GMDS: variants seen among roughly 807,000 people sequenced by gnomAD.
GMDS encodes the protein GDP-mannose 4,6 dehydratase.
Under a neutral mutation model 49.9 loss-of-function variants are expected in GMDS, and 20 were observed. The observed-to-expected ratio is 0.40, with a 90% CI of 0.28 to 0.58. The LOEUF (loss-of-function observed/expected upper bound fraction) is 0.58. Among genes scored for constraint, GMDS ranks in the 20% least tolerant of loss-of-function variants. GMDS has a pLI of 0.42. For missense variants in GMDS, 362 were observed against 481.4 expected (o/e 0.75, Z 2.32); for synonymous variants, 177 against 178.6 (o/e 0.99, Z 0.07).
At chr6:1,624,764 C>T (rs1762795851) in intron 9 of GMDS, 2 of 493,646 alleles carry the variant, frequency 4.1e-6, no homozygotes, top group Non-Finnish European at 3.6e-6. Context: ...GGACCGTGAC[C>T]GCGATCCACC....
Position 1,930,231 on chromosome 6 carries a change from C to T in GMDS, c.644-1G>A. 1 of 1,612,200 alleles carries T rather than the reference C, an allele frequency of 6.2e-7. No homozygotes were observed. Among genetic ancestry groups the T allele is most frequent in the Admixed American group, 1.7e-5 (1 of 59,852 alleles). On this transcript the variant is annotated splice_acceptor_variant, in intron 6 of 10. Coordinates refer to ENST00000380815, the MANE Select transcript of GMDS (RefSeq NM_001500.4). LOFTEE classifies it high-confidence loss of function. ...ATTTTTCGAGTAACGAAATTAGCTC[C>T]TAAAAAGAGGCAAAAGATGTAGTAT...
chr6:2,218,817 AT>A (rs1780453989), intron 1 of GMDS, among the ~76,000 whole-genome samples: 1 of 152,204 alleles, frequency 6.6e-6, no homozygotes, highest in South Asian at 2.1e-4. Context: ...CATTCTATAC[AT>A]TATGAAACTG....
intron 7 of GMDS, among the ~76,000 whole-genome samples, chr6:1,821,811 T>C (rs972484468): frequency 6.6e-6 from 1 of 152,060 alleles, no homozygotes; most frequent in African/African-American, 2.4e-5. Context: ...AGGACCACAT[T>C]TCAACTTTCA....
At chr6:2,170,932 T>C (rs1777973756) in intron 1 of GMDS, among the ~76,000 whole-genome samples, 1 of 152,052 alleles carries the variant, frequency 6.6e-6, no homozygotes, top group Non-Finnish European at 1.5e-5. Context: ...GAGGCAGAGC[T>C]TGTGGTGAGC....
chr6:1,685,221 A>AC (rs11323066), intron 9 of GMDS, among the ~76,000 whole-genome samples: 2 of 151,596 alleles, frequency 1.3e-5, no homozygotes, highest in South Asian at 2.1e-4. Flanking sequence ...ACATGGTGAG[A>AC]CCCCCGTCTC....
intron 9 of GMDS, among the ~76,000 whole-genome samples, chr6:1,678,426 C>T (rs1017384148): frequency 9.2e-5 from 14 of 152,144 alleles, no homozygotes; most frequent in Non-Finnish European, 1.8e-4. Flanking sequence ...TTTGAGCAGC[C>T]TGGTTCCCTG....
chr6:1,721,687 G>A (rs1211179733), intron 9 of GMDS, among the ~76,000 whole-genome samples: 1 of 151,690 alleles, frequency 6.6e-6, no homozygotes, highest in Non-Finnish European at 1.5e-5. Context: ...ACCATTTGAT[G>A]TGGTTACAAA....
intron 9 of GMDS, among the ~76,000 whole-genome samples, chr6:1,684,710 G>T (rs2113318170): frequency 6.6e-6 from 1 of 152,298 alleles, no homozygotes; most frequent in African/African-American, 2.4e-5. Context: ...TGCTGGGGCT[G>T]GAGATGGTCC....
intron 7 of GMDS, among the ~76,000 whole-genome samples, chr6:1,801,871 C>T (rs573355284): frequency 1.9e-3 from 286 of 152,290 alleles, no homozygotes; most frequent in African/African-American, 6.6e-3. Flanking sequence ...TAATTTTTAG[C>T]TTGTTGAATT....
intron 4 of GMDS, among the ~76,000 whole-genome samples, chr6:2,001,681 A>G (rs919830552): frequency 5.9e-5 from 9 of 152,178 alleles, no homozygotes; most frequent in Admixed American, 5.2e-4. Context: ...GTACTGGCAT[A>G]AGAATAGATG....
intron 7 of GMDS, among the ~76,000 whole-genome samples, chr6:1,834,360 T>G (rs1158788557): frequency 6.6e-6 from 1 of 152,228 alleles, no homozygotes; most frequent in Non-Finnish European, 1.5e-5. Context: ...TGCATTTCCC[T>G]GAGCAATTGC....
At chr6:2,181,726 C>T (rs545959229) in intron 1 of GMDS, among the ~76,000 whole-genome samples, 3 of 152,208 alleles carry the variant, frequency 2.0e-5, no homozygotes, top group East Asian at 1.9e-4. Context: ...TAAATGTAAT[C>T]GGAAAATGTC....
chr6:1,774,731 C>T (rs945965672), intron 7 of GMDS, among the ~76,000 whole-genome samples: 8 of 149,460 alleles, frequency 5.4e-5, no homozygotes, highest in African/African-American at 2.0e-4. Context: ...CCTAAAGGAA[C>T]AGCTTCCAAA....
intron 4 of GMDS, among the ~76,000 whole-genome samples, chr6:1,981,509 C>G (rs146631511): frequency 1.3e-5 from 2 of 152,152 alleles, no homozygotes; most frequent in East Asian, 1.9e-4. Flanking sequence ...CCTGAATAGA[C>G]CAATAATGAG....
chr6:1,864,270 C>T (rs1365039629), intron 7 of GMDS, among the ~76,000 whole-genome samples: 3 of 152,132 alleles, frequency 2.0e-5, no homozygotes, highest in African/African-American at 4.8e-5. Flanking sequence ...TTCAATATTA[C>T]ATATTTTTAC....
At chr6:1,949,010 T>C (rs1050695141) in intron 6 of GMDS, 3 of 901,810 alleles carry the variant, frequency 3.3e-6, no homozygotes, top group South Asian at 5.1e-5. Flanking sequence ...CTTATGCCAG[T>C]AGCCACAGCA....
intron 4 of GMDS, among the ~76,000 whole-genome samples, chr6:2,087,415 A>G (rs1218370026): frequency 6.6e-6 from 1 of 152,264 alleles, no homozygotes; most frequent in Admixed American, 6.5e-5. Flanking sequence ...ATAATAATCT[A>G]TCAGAAAGGA....
intron 3 of GMDS, 146 bp from the exon 4 acceptor site, chr6:2,116,026 AAT>A (rs1203226556): frequency 1.7e-6 from 1 of 577,370 alleles, no homozygotes; most frequent in Non-Finnish European, 3.1e-6. Context: ...GGAGTAGCAG[AAT>A]ATAACTGTCA....
intron 7 of GMDS, among the ~76,000 whole-genome samples, chr6:1,840,761 G>A (rs1189752384): frequency 1.3e-5 from 2 of 152,192 alleles, no homozygotes; most frequent in Non-Finnish European, 2.9e-5. Context: ...AAACTGGCAT[G>A]TGACTCTGCT....
Sources: allele counts gnomAD v4.1 joint callset (sites outside exome capture counted in the v4.1 genomes callset), GRCh38; gene constraint gnomAD v4.1.1; transcripts MANE v1.5; gene names NCBI Gene and HGNC (gene_info 2026-07-23, HGNC 2026-07-21).